NAV2: variants seen among roughly 807,000 people sequenced by gnomAD.
NAV2 encodes the protein helicase, APC down-regulated 1.
NAV2 carries 54 observed loss-of-function variants against 223.2 expected under a neutral mutation model. The ratio of observed to expected loss-of-function variants is 0.24; its 90% CI spans 0.19 to 0.30. The LOEUF (loss-of-function observed/expected upper bound fraction) is 0.30, where lower values mean the gene tolerates loss of function less well. NAV2 is among the 10% of genes least tolerant of loss of function. The probability of loss-of-function intolerance (pLI) is 1.00; values close to 1 mark genes in which losing one functional copy is unlikely to be tolerated. For missense variants in NAV2, 2,806 were observed against 3,147.5 expected (o/e 0.89, Z 2.60); for synonymous variants, 1,279 against 1,239.3 (o/e 1.03, Z -0.67).
chr11:20,117,309 A>G (rs1176886268), intron 37 of NAV2, among the ~76,000 whole-genome samples: 1 of 152,242 alleles, frequency 6.6e-6, no homozygotes, highest in Non-Finnish European at 1.5e-5. Flanking sequence ...AAGTTAGATG[A>G]TGATGACAAC....
intron 1 of NAV2, among the ~76,000 whole-genome samples, chr11:19,659,745 A>G (rs527312299): frequency 6.6e-6 from 1 of 152,098 alleles, no homozygotes; most frequent in Non-Finnish European, 1.5e-5. Context: ...TCAAACCAGA[A>G]TTCCTGAGTT....
chr11:20,052,178 A>G (rs2058057420), intron 17 of NAV2, among the ~76,000 whole-genome samples: 1 of 152,144 alleles, frequency 6.6e-6, no homozygotes, highest in Non-Finnish European at 1.5e-5. Context: ...CTTTCGCATA[A>G]AATGGGACTT....
At chr11:19,396,523 C>T (rs553213351) in intron 1 of NAV2, among the ~76,000 whole-genome samples, 8 of 152,258 alleles carry the variant, frequency 5.3e-5, no homozygotes, top group South Asian at 4.1e-4. Context: ...TCCCCTATGG[C>T]GGCCACACTA....
chr11:19,798,652 C>T (rs958835255), intron 1 of NAV2, among the ~76,000 whole-genome samples: 2 of 152,190 alleles, frequency 1.3e-5, no homozygotes, highest in Non-Finnish European at 2.9e-5. Flanking sequence ...GGATCTGCAA[C>T]TGATACCGTG....
chr11:19,825,664 T>C (rs1010553250), intron 1 of NAV2, among the ~76,000 whole-genome samples: 13 of 152,220 alleles, frequency 8.5e-5, no homozygotes, highest in African/African-American at 2.7e-4. Context: ...CCGGCTTCAT[T>C]TGAGGGCTAA....
At chr11:19,477,954 A>G (rs572338045) in intron 1 of NAV2, among the ~76,000 whole-genome samples, 32 of 152,376 alleles carry the variant, frequency 2.1e-4, no homozygotes, top group African/African-American at 7.5e-4. Flanking sequence ...TGCCAAATGC[A>G]ATGTCATTCA....
At chr11:19,348,604 C>A (rs974147435), upstream of NAV2, among the ~76,000 whole-genome samples, 8 of 152,248 alleles carry the variant, frequency 5.3e-5, no homozygotes, top group Non-Finnish European at 1.2e-4. Context: ...TGACACACAG[C>A]ATGCCCTTAA....
chr11:19,560,359 T>C (rs933661410), intron 1 of NAV2, among the ~76,000 whole-genome samples: 12 of 152,210 alleles, frequency 7.9e-5, no homozygotes, highest in Non-Finnish European at 1.6e-4. Context: ...GCACTGGGGA[T>C]GGCTTTGGAA....
chr11:19,582,414 G>A (rs2045748367), intron 1 of NAV2, among the ~76,000 whole-genome samples: 1 of 152,128 alleles, frequency 6.6e-6, no homozygotes, highest in African/African-American at 2.4e-5. Flanking sequence ...CATTGCTTTT[G>A]GTGTTTTAGA....
At chr11:19,392,637 C>T (rs574083068) in intron 1 of NAV2, among the ~76,000 whole-genome samples, 13 of 152,176 alleles carry the variant, frequency 8.5e-5, no homozygotes, top group South Asian at 2.1e-4. Context: ...AGTCACTCAG[C>T]ATCACTTCTC....
chr11:20,011,682 C>T (rs369903496), intron 11 of NAV2, among the ~76,000 whole-genome samples: 5 of 152,160 alleles, frequency 3.3e-5, no homozygotes, highest in Admixed American at 2.0e-4. Context: ...CATTATACAG[C>T]CTCTAAAAAA....
chr11:19,769,782 G>A (rs1212929634), intron 1 of NAV2, among the ~76,000 whole-genome samples: 2 of 152,128 alleles, frequency 1.3e-5, no homozygotes, highest in Admixed American at 1.3e-4. Context: ...AAGGCTATTT[G>A]TTTTCCTTTA....
At chr11:19,958,360 A>G (rs1045222909) in intron 10 of NAV2, among the ~76,000 whole-genome samples, 2 of 152,242 alleles carry the variant, frequency 1.3e-5, no homozygotes, top group African/African-American at 4.8e-5. Flanking sequence ...CCAAGATCCT[A>G]ACGCTGTGAA....
At chr11:19,710,310 A>G (rs1206861906), upstream of NAV2, among the ~76,000 whole-genome samples, 4 of 152,344 alleles carry the variant, frequency 2.6e-5, no homozygotes, top group East Asian at 5.8e-4. Flanking sequence ...CAGCATGTGC[A>G]TGACATGAGA....
intron 1 of NAV2, among the ~76,000 whole-genome samples, chr11:19,798,839 T>G (rs2058070104): frequency 6.6e-6 from 1 of 152,240 alleles, no homozygotes; most frequent in Non-Finnish European, 1.5e-5. Context: ...CTTGTAGTTT[T>G]CCTGGCAATG....
At chr11:19,532,101 G>A (rs536675175) in intron 1 of NAV2, among the ~76,000 whole-genome samples, 11 of 152,340 alleles carry the variant, frequency 7.2e-5, no homozygotes, top group Admixed American at 5.9e-4. Flanking sequence ...CTGAGCACTA[G>A]CATGGCAAAT....
chr11:20,061,533 C>T lies in NAV2; in HGVS notation c.4832-774C>T, dbSNP rs982058450. ...GTGGTGAGCTGAGATCGTGCCATTGCGCTCCAGCCTGGGCAACAGAGTGAA... is the reference window on the plus strand; with the variant it reads ...GTGGTGAGCTGAGATCGTGCCATTGTGCTCCAGCCTGGGCAACAGAGTGAA... On this transcript the variant is annotated intron_variant, in intron 19 of 37. Coordinates refer to ENST00000349880, the MANE Select transcript of NAV2 (RefSeq NM_145117.5). 4.0e-5 allele frequency among the ~76,000 whole-genome samples: 6 copies of T among 149,844 alleles called. No individual in the cohort carries two copies. The South Asian group carries it at 6.3e-4, about 16-fold the overall frequency.
rs540378034 is a variant in NAV2, at chr11:19,819,623, G to A, written c.268-12861G>A. Among the ~76,000 whole-genome samples, 36 of 152,300 alleles carry A rather than the reference G, an allele frequency of 2.4e-4. No individual in the cohort carries two copies. In the East Asian group the frequency reaches 6.8e-3, roughly 29 times the overall value. ...TGTGGTGTGAGGGATGCCACCAGCT[G>A]ATGCACTTGAAGGCATTTTTTAGGG... On this transcript the variant is annotated intron_variant, in intron 1 of 37. Transcript: ENST00000349880.
At chr11:19,859,623 G>C (rs532549371) in intron 3 of NAV2, among the ~76,000 whole-genome samples, 4 of 151,986 alleles carry the variant, frequency 2.6e-5, no homozygotes, top group African/African-American at 7.2e-5. Context: ...AACCGCCATC[G>C]TCATCATGGC....
Sources: allele counts gnomAD v4.1 joint callset (sites outside exome capture counted in the v4.1 genomes callset), GRCh38; gene constraint gnomAD v4.1.1; transcripts MANE v1.5; gene names NCBI Gene and HGNC (gene_info 2026-07-23, HGNC 2026-07-21).